Variants in GRM3 observed in about 807,000 individuals in gnomAD.
The protein encoded by GRM3 is glutamate metabotropic receptor 3, also known as metabotropic glutamate receptor 3.
A neutral mutation model predicts 70.5 loss-of-function variants in GRM3; 26 were observed. That is an observed-to-expected ratio of 0.37 (90% CI 0.27 to 0.51). The LOEUF (loss-of-function observed/expected upper bound fraction) is 0.51, where lower values mean the gene tolerates loss of function less well. GRM3 is among the 20% of genes least tolerant of loss of function. The pLI is 0.93. For missense variants in GRM3, 859 were observed against 1,123.8 expected, an observed-to-expected ratio of 0.76 and a Z score of 3.37; for synonymous variants, 443 against 434.9, an observed-to-expected ratio of 1.02 and a Z score of -0.23.
intron 3 of GRM3, among the ~76,000 whole-genome samples, chr7:86,804,399 A>C (rs951964137): frequency 2.0e-5 from 3 of 152,116 alleles, no homozygotes; most frequent in Non-Finnish European, 2.9e-5. Context: ...TAGAATTATC[A>C]GATATGGTAT....
rs1008266802 is a variant in GRM3, at chr7:86,753,015, A to G, written c.-140-11991A>G. On this transcript the variant is annotated intron_variant, in intron 1 of 5. Transcript: ENST00000361669. ...CTCCTGGCATATTATGGTATTTAGC[A>G]CCCATAAACACTAAACAATTCAGAA... Among the ~76,000 whole-genome samples the G allele has an allele frequency of 3.9e-5, 6 of 152,114 alleles. No individual in the cohort carries two copies. In the South Asian group the frequency reaches 8.4e-4, roughly 21 times the overall value.
At chr7:86,716,386 T>C (rs1795314738) in intron 1 of GRM3, among the ~76,000 whole-genome samples, 1 of 151,978 alleles carries the variant, frequency 6.6e-6, no homozygotes, top group South Asian at 2.1e-4. Flanking sequence ...AATCCTCAAA[T>C]CAATCCTTGG....
In GRM3 at chr7:86,787,093, A is replaced by T; in HGVS notation, c.1301A>T (p.Tyr434Phe). The T allele has an allele frequency of 6.2e-7, 1 of 1,603,592 alleles. No homozygotes were observed. Among genetic ancestry groups the T allele is most frequent in the East Asian group, 2.2e-5 (1 of 44,626 alleles). Residue 434 changes from tyrosine (Y) to phenylalanine (F), a missense_variant, in exon 3 of 6, where the codon TAC (tyrosine) becomes TTC (phenylalanine). By Grantham distance (22) the Tyr-to-Phe change is conservative. Transcript: ENST00000361669. ...ILDGKKLYKD[Y>F]LLKINFTAPF... ...GATGGGAAGAAGTTGTACAAGGATT[A>T]CTTGCTGAAAATCAACTTCACGGGT...
At chr7:86,851,835 T>A (rs1278077988) in intron 5 of GRM3, among the ~76,000 whole-genome samples, 1 of 152,162 alleles carries the variant, frequency 6.6e-6, no homozygotes, top group Non-Finnish European at 1.5e-5. Context: ...ATATGTTGAT[T>A]TCTTGAGCAA....
At chr7:86,645,745 C>A (rs1226857886) in intron 1 of GRM3, among the ~76,000 whole-genome samples, 1 of 151,894 alleles carries the variant, frequency 6.6e-6, no homozygotes, top group Non-Finnish European at 1.5e-5. Flanking sequence ...AAACTATACA[C>A]CTCTAAAGAT....
At chr7:86,694,481 C>T (rs1384923502) in intron 1 of GRM3, among the ~76,000 whole-genome samples, 2 of 129,818 alleles carry the variant, frequency 1.5e-5, no homozygotes, top group Non-Finnish European at 3.1e-5. Flanking sequence ...CACTGCACTC[C>T]AGCCTGGGCA....
intron 3 of GRM3, among the ~76,000 whole-genome samples, chr7:86,802,490 G>A (rs192172910): frequency 1.3e-5 from 2 of 151,934 alleles, no homozygotes; most frequent in East Asian, 1.9e-4. Flanking sequence ...ATGACTCATA[G>A]GAAAGGCCTC....
intron 5 of GRM3, among the ~76,000 whole-genome samples, chr7:86,862,840 A>G (rs1798986216): frequency 6.6e-6 from 1 of 152,198 alleles, no homozygotes; most frequent in Admixed American, 6.5e-5. Flanking sequence ...GTTTAAGGAA[A>G]TTAATAGGAA....
chr7:86,817,573 A>G (rs1484530670), intron 3 of GRM3, among the ~76,000 whole-genome samples: 1 of 151,948 alleles, frequency 6.6e-6, no homozygotes, highest in African/African-American at 2.4e-5. Flanking sequence ...CATGTTAACT[A>G]TTATGGAAAA....
intron 1 of GRM3, among the ~76,000 whole-genome samples, chr7:86,657,448 AG>A (rs1190785303): frequency 6.6e-6 from 1 of 152,200 alleles, no homozygotes; most frequent in African/African-American, 2.4e-5. Flanking sequence ...CAGGAAGTGG[AG>A]GATTTCATTC....
chr7:86,662,655 T>G (rs982374396), intron 1 of GRM3, among the ~76,000 whole-genome samples: 7 of 151,990 alleles, frequency 4.6e-5, no homozygotes, highest in Non-Finnish European at 8.8e-5. Flanking sequence ...ATTTTTCTCA[T>G]GTAACCAAAT....
At chr7:86,717,889 T>C (rs551347067) in intron 1 of GRM3, among the ~76,000 whole-genome samples, 1 of 151,994 alleles carries the variant, frequency 6.6e-6, no homozygotes, top group South Asian at 2.1e-4. Context: ...TTGTGAAACA[T>C]TGTGCATACC....
At chr7:86,784,121 T>C (rs193039723) in intron 2 of GRM3, 3 of 152,336 alleles carry the variant, frequency 2.0e-5, no homozygotes, top group Admixed American at 6.5e-5. Flanking sequence ...TATGGCTAGT[T>C]CGTTCTCTTG....
rs899391491 is a variant in GRM3 at position 86,814,802 on chromosome 7, G to C, written c.1325-24037G>C. Among the ~76,000 whole-genome samples, 3 of 150,724 alleles carry C rather than the reference G, an allele frequency of 2.0e-5. No homozygotes were observed. In the Admixed American group the frequency reaches 2.0e-4, roughly 10 times the overall value. On this transcript the variant is annotated intron_variant, in intron 3 of 5. Coordinates refer to ENST00000361669, the MANE Select transcript of GRM3 (RefSeq NM_000840.3). ...ATTGCTGGTGTAAATTATCTAGTAG[G>C]CTTGCCACTTTCAGCGCCAGTCATT...
chr7:86,718,103 G>A (rs1007576746), intron 1 of GRM3, among the ~76,000 whole-genome samples: 29 of 152,060 alleles, frequency 1.9e-4, no homozygotes, highest in South Asian at 1.5e-3. Context: ...TGATATTTTA[G>A]CCTTTAAATG....
At chr7:86,732,907 A>G (rs1361074421) in intron 1 of GRM3, among the ~76,000 whole-genome samples, 2 of 152,198 alleles carry the variant, frequency 1.3e-5, no homozygotes, top group Non-Finnish European at 2.9e-5. Context: ...CTCCAAACAT[A>G]GTGTTGGAAT....
intron 1 of GRM3, among the ~76,000 whole-genome samples, chr7:86,753,363 T>C (rs943966417): frequency 1.3e-5 from 2 of 152,176 alleles, no homozygotes; most frequent in Admixed American, 6.6e-5. Context: ...GAGGTGGCCA[T>C]GTGCTGACAT....
At chr7:86,659,860 G>C (rs1457458178) in intron 1 of GRM3, among the ~76,000 whole-genome samples, 1 of 151,896 alleles carries the variant, frequency 6.6e-6, no homozygotes, top group African/African-American at 2.4e-5. Context: ...AGTGCTTGAA[G>C]ATATTTTAAT....
intron 3 of GRM3, among the ~76,000 whole-genome samples, chr7:86,796,062 T>C (rs996636290): frequency 2.6e-5 from 4 of 152,242 alleles, no homozygotes; most frequent in Non-Finnish European, 5.9e-5. Context: ...ATCTCTTTAG[T>C]TTAATTAGAT....
Sources: allele counts gnomAD v4.1 joint callset (sites outside exome capture counted in the v4.1 genomes callset), GRCh38; gene constraint gnomAD v4.1.1; transcripts MANE v1.5; gene names NCBI Gene and HGNC (gene_info 2026-07-23, HGNC 2026-07-21).